CACNG1: variants seen among roughly 807,000 people sequenced by gnomAD.
CACNG1 encodes the protein voltage-dependent calcium channel gamma-1 subunit.
Under a neutral mutation model 22.0 loss-of-function variants are expected in CACNG1, and 21 were observed. The observed-to-expected ratio is 0.95, with a 90% CI of 0.68 to 1.37. CACNG1 has a LOEUF of 1.37. Ranked by LOEUF, CACNG1 falls within the 40% of genes most tolerant of loss-of-function variation. The pLI, the probability that CACNG1 is intolerant of heterozygous loss-of-function variation, is 0.00. For synonymous variants in CACNG1, 127 were observed against 129.2 expected (o/e 0.98, Z 0.12); for missense variants, 291 against 308.6 (o/e 0.94, Z 0.43).
intron 1 of CACNG1, among the ~76,000 whole-genome samples, chr17:67,050,937 C>T (rs574057440): frequency 3.9e-5 from 6 of 152,300 alleles, no homozygotes; most frequent in Admixed American, 1.3e-4. Context: ...GAGAATGGCA[C>T]GACCTCAGAG....
intron 1 of CACNG1, 68 bp from the exon 2 acceptor site, chr17:67,053,928 C>A: frequency 8.6e-7 from 1 of 1,167,462 alleles, no homozygotes; most frequent in South Asian, 1.2e-5. Flanking sequence ...ACACCACGCT[C>A]TCTGCCAGGC....
At position 67,054,675 on chromosome 17, in the gene CACNG1, C is replaced by A. The variant is rs2035748134; in HGVS notation, c.305-428C>A. ...ACACGACACACACAAGACACAGACG[C>A]ACAGAGACACTGACACACACGCATG... is the stretch of plus-strand genomic sequence containing the variant. On this transcript the variant is annotated intron_variant, in intron 2 of 3. Transcript: ENST00000226021. The surrounding 1 kb of genome is among the most constrained non-coding windows in gnomAD (Gnocchi z 4.6). Among the ~76,000 whole-genome samples the A allele has an allele frequency of 6.9e-6, 1 of 144,170 alleles. No individual in the cohort carries two copies. The highest frequency in any genetic ancestry group is 1.5e-5 in the Non-Finnish European group (1 of 65,750). 94.6% of individuals were successfully genotyped at this position (144,170 alleles called of 152,430 possible).
At chr17:67,053,848 T>C (rs1255784302) in intron 1 of CACNG1, 148 bp from the exon 2 acceptor site, 2 of 673,320 alleles carry the variant, frequency 3.0e-6, no homozygotes, top group Non-Finnish European at 5.5e-6. Flanking sequence ...CAAAGACAGA[T>C]GTTTCAGCCC....
chr17:67,047,482 A>C (rs990623795), intron 1 of CACNG1, among the ~76,000 whole-genome samples: 1 of 152,172 alleles, frequency 6.6e-6, no homozygotes, highest in Non-Finnish European at 1.5e-5. Flanking sequence ...TCAGCATCCC[A>C]GTAGCCTCTG....
rs1358126846 is a variant in CACNG1, at chr17:67,056,742, G to A, written c.*471G>A. 6.2e-6 allele frequency: 1 copy of A among 160,556 alleles called. No homozygotes were observed. 9.9% of individuals were successfully genotyped at this position (160,556 alleles called of 1,614,324 possible). ...CCTTGGCTTCCAGGAGCCCTGGGAA[G>A]CATTTTTAACTGGGTAGAATCTGAC... is the stretch of plus-strand genomic sequence containing the variant. On this transcript the variant is annotated 3_prime_UTR_variant, in exon 4 of 4. Transcript: ENST00000226021. This position sits in a 1 kb window ranked among gnomAD's most constrained non-coding sequence, Gnocchi z 4.3.
chr17:67,055,957 C>T lies in CACNG1; in HGVS notation c.443-88C>T, dbSNP rs376966125. On this transcript the variant is annotated intron_variant, in intron 3 of 3. Transcript: ENST00000226021. This position sits in a 1 kb window ranked among gnomAD's most constrained non-coding sequence, Gnocchi z 4.5. The stretch of plus-strand genomic sequence containing the variant: ...AGCTTTTCCCCCAAGGCAAGGTCAC[C>T]GCCTCCTCCATGCACACAGGCTGGG... 19 of 1,075,944 alleles carry T rather than the reference C, an allele frequency of 1.8e-5. No homozygotes were observed. The highest frequency in any genetic ancestry group is 3.1e-5 in the African/African-American group (2 of 64,030). 66.6% of individuals were successfully genotyped at this position (1,075,944 alleles called of 1,614,324 possible). A position where few individuals can be genotyped will look rare whatever the true frequency, so the allele number is the denominator to read the frequency against.
intron 1 of CACNG1, among the ~76,000 whole-genome samples, chr17:67,045,972 G>T (rs1436627500): frequency 3.3e-5 from 5 of 152,222 alleles, no homozygotes; most frequent in Non-Finnish European, 7.3e-5. Flanking sequence ...TGAAGGTAAG[G>T]TCCTTTTCAG....
chr17:67,044,969 G>A lies in CACNG1; in HGVS notation c.229+80G>A, dbSNP rs2035687754. ...CCCTGGCAAAGTTGCCCTTGCGAAG[G>A]AAGGCAGGTTTCTCTGCCTAGAAAT... On this transcript the variant is annotated intron_variant, in intron 1 of 3. Coordinates refer to ENST00000226021, the MANE Select transcript of CACNG1 (RefSeq NM_000727.4). The surrounding 1 kb of genome is among the most constrained non-coding windows in gnomAD (Gnocchi z 6.9). The A allele has an allele frequency of 1.7e-6, 2 of 1,179,158 alleles. No individual in the cohort carries two copies. The highest frequency in any genetic ancestry group is 2.4e-6 in the Non-Finnish European group (2 of 825,888). The allele number at this position is 1,179,158 out of a possible 1,614,324, so 73.0% of individuals were successfully genotyped here. A position where few individuals can be genotyped will look rare whatever the true frequency, so the allele number is the denominator to read the frequency against.
chr17:67,055,590 C>A lies in CACNG1; in HGVS notation c.442+350C>A, dbSNP rs188674340. On this transcript the variant is annotated intron_variant, in intron 3 of 3. Transcript: ENST00000226021. This position sits in a 1 kb window ranked among gnomAD's most constrained non-coding sequence, Gnocchi z 4.5. ...TCATCCAGGCTGGAGTGCAGTGGCA[C>A]AATCACAGCTCACTGCAGCCTCGAA... Among the ~76,000 whole-genome samples, 131 of 152,304 alleles carry A rather than the reference C, an allele frequency of 8.6e-4. No homozygotes were observed. The highest frequency in any genetic ancestry group is 3.1e-3 in the African/African-American group (127 of 41,564).
At position 67,056,020 on chromosome 17, in the gene CACNG1, T is replaced by C; in HGVS notation, c.443-25T>C. 1 of 1,594,264 alleles carries C rather than the reference T, an allele frequency of 6.3e-7. No homozygotes were observed. Among genetic ancestry groups the C allele is most frequent in the Non-Finnish European group, 8.5e-7 (1 of 1,169,736 alleles). ...GCTACGGCAGACGCCCCTCGGTCCC[T>C]GAGCATGCCTGGCTCTGCCCCCAGG... On this transcript the variant is annotated intron_variant, in intron 3 of 3. Transcript: ENST00000226021. This position sits in a 1 kb window ranked among gnomAD's most constrained non-coding sequence, Gnocchi z 4.3.
Position 67,056,367 on chromosome 17 carries a change from C to T in CACNG1, c.*96C>T, listed in dbSNP as rs2035762324. ...AGAGGAGGCGGGAGCAATTTTAGCC[C>T]CACCCTGCTCCCATCTGCCCCCCTG... On this transcript the variant is annotated 3_prime_UTR_variant, in exon 4 of 4. Coordinates refer to ENST00000226021, the MANE Select transcript of CACNG1 (RefSeq NM_000727.4). This position sits in a 1 kb window ranked among gnomAD's most constrained non-coding sequence, Gnocchi z 4.3. The T allele has an allele frequency of 9.7e-7, 1 of 1,030,820 alleles. No individual in the cohort carries two copies. The highest frequency in any genetic ancestry group is 1.5e-6 in the Non-Finnish European group (1 of 687,498). 63.9% of individuals were successfully genotyped at this position (1,030,820 alleles called of 1,614,324 possible). A position where few individuals can be genotyped will look rare whatever the true frequency, so the allele number is the denominator to read the frequency against.
In CACNG1 at chr17:67,055,273, C is replaced by T. The variant is rs373779390; in HGVS notation, c.442+33C>T. ...GGGGGATCTGCCTGAGCGCCGGGGCCGGGGGACCATGTCGCGGGGGATTCT... is the reference window on the plus strand; with the variant it reads ...GGGGGATCTGCCTGAGCGCCGGGGCTGGGGGACCATGTCGCGGGGGATTCT... On this transcript the variant is annotated intron_variant, in intron 3 of 3. Coordinates refer to ENST00000226021, the MANE Select transcript of CACNG1 (RefSeq NM_000727.4). This position sits in a 1 kb window ranked among gnomAD's most constrained non-coding sequence, Gnocchi z 4.5. 1.4e-5 allele frequency: 23 copies of T among 1,597,864 alleles called. No homozygotes were observed. The highest frequency in any genetic ancestry group is 3.3e-4 in the Middle Eastern group (2 of 5,972).
intron 1 of CACNG1, among the ~76,000 whole-genome samples, chr17:67,047,029 T>G (rs1264840431): frequency 6.6e-6 from 1 of 152,184 alleles, no homozygotes; most frequent in East Asian, 1.9e-4. Flanking sequence ...ATGGACATCT[T>G]TCTCCTTCCC....
Position 67,044,584 on chromosome 17 carries a change from C to T in CACNG1, c.-77C>T. 1 of 944,636 alleles carries T rather than the reference C, an allele frequency of 1.1e-6. No individual in the cohort carries two copies. Among genetic ancestry groups the T allele is most frequent in the Non-Finnish European group, 1.7e-6 (1 of 600,228 alleles). The allele number at this position is 944,636 out of a possible 1,614,324, so 58.5% of individuals were successfully genotyped here. The stretch of plus-strand genomic sequence containing the variant: ...CAGCTCGACAACCACTGCCACCCCC[C>T]AAGCTCGGCTTGTCACCTGCCCTAG... On this transcript the variant is annotated 5_prime_UTR_variant, in exon 1 of 4. Coordinates refer to ENST00000226021, the MANE Select transcript of CACNG1 (RefSeq NM_000727.4). The surrounding 1 kb of genome is among the most constrained non-coding windows in gnomAD (Gnocchi z 6.9).
rs35542901 is a variant in CACNG1, at chr17:67,044,603, GC to G, written c.-55del. The stretch of plus-strand genomic sequence containing the variant: ...ACCCCCCAAGCTCGGCTTGTCACCT[GC>G]CCTAGGAGACGCAGCCGCCGGACCC... On this transcript the variant is annotated 5_prime_UTR_variant, in exon 1 of 4. Transcript: ENST00000226021. The surrounding 1 kb of genome is among the most constrained non-coding windows in gnomAD (Gnocchi z 6.9). 4.3e-4 allele frequency: 511 copies of G among 1,180,534 alleles called. 1 individual carries two copies. The African/African-American group carries it at 6.8e-3, about 16-fold the overall frequency. 73.1% of individuals were successfully genotyped at this position (1,180,534 alleles called of 1,614,324 possible). A position where few individuals can be genotyped will look rare whatever the true frequency, so the allele number is the denominator to read the frequency against.
intron 1 of CACNG1, among the ~76,000 whole-genome samples, chr17:67,045,447 G>A (rs538066322): frequency 6.6e-6 from 1 of 152,204 alleles, no homozygotes; most frequent in Admixed American, 6.5e-5. Context: ...CTCTGGGCCT[G>A]GAGCAGCTGC....
At chr17:67,052,948 G>C (rs2035736581) in intron 1 of CACNG1, among the ~76,000 whole-genome samples, 1 of 152,004 alleles carries the variant, frequency 6.6e-6, no homozygotes. Context: ...CCTGTGCTTT[G>C]ATTTTATAGT....
chr17:67,049,782 C>G (rs141290923), intron 1 of CACNG1, among the ~76,000 whole-genome samples: 345 of 152,328 alleles, frequency 2.3e-3, no homozygotes, highest in Middle Eastern at 0.014. Flanking sequence ...AGGAGTCCAG[C>G]TTTTGACATG....
rs1334733122 is a variant in CACNG1 at position 67,044,960 on chromosome 17, C to T, written c.229+71C>T. ...CCGTCATCCCCCTGGCAAAGTTGCC[C>T]TTGCGAAGGAAGGCAGGTTTCTCTG... On this transcript the variant is annotated intron_variant, in intron 1 of 3. Transcript: ENST00000226021. The surrounding 1 kb of genome is among the most constrained non-coding windows in gnomAD (Gnocchi z 6.9). 5.4e-6 allele frequency: 7 copies of T among 1,293,730 alleles called. No individual in the cohort carries two copies. Among genetic ancestry groups the T allele is most frequent in the Admixed American group, 2.0e-5 (1 of 50,970 alleles). The allele number at this position is 1,293,730 out of a possible 1,614,324, so 80.1% of individuals were successfully genotyped here.
Sources: gnomAD v4.1 joint callset for allele counts (sites outside exome capture counted in the v4.1 genomes callset) on GRCh38, gnomAD v4.1.1 for gene constraint, Gnocchi (gnomAD v3.1) non-coding constraint, MANE v1.5 for transcripts, NCBI Gene and HGNC (gene_info 2026-07-23, HGNC 2026-07-21) for gene names.